Variants in CD163L1 observed in about 807,000 individuals in gnomAD.
The protein encoded by CD163L1 is scavenger receptor cysteine-rich type 1 protein M160.
A neutral mutation model predicts 165.4 loss-of-function variants in CD163L1; 124 were observed. The ratio of observed to expected loss-of-function variants is 0.75; its 90% CI spans 0.65 to 0.87. CD163L1 has a LOEUF of 0.87. Among genes scored for constraint, CD163L1 ranks in the 40% least tolerant of loss-of-function variants. The pLI is 0.00. For synonymous variants in CD163L1, 585 were observed against 662.2 expected (o/e 0.88, Z 1.79); for missense variants, 1,525 against 1,799.9 (o/e 0.85, Z 2.76).
chr12:7,339,218 C>A, the CD163L1 span, among the ~76,000 whole-genome samples: 1 of 152,106 alleles, frequency 6.6e-6, no homozygotes. Context: ...GGACACAGAA[C>A]AAAACTAGAC....
At chr12:7,322,261 G>A in the CD163L1 span, among the ~76,000 whole-genome samples, 1 of 152,188 alleles carries the variant, frequency 6.6e-6, no homozygotes, top group East Asian at 1.9e-4. Flanking sequence ...AACAATGTCT[G>A]GCAATATAGC....
the CD163L1 span, among the ~76,000 whole-genome samples, chr12:7,325,098 T>C: frequency 6.6e-6 from 1 of 152,252 alleles, no homozygotes; most frequent in Non-Finnish European, 1.5e-5. Flanking sequence ...TTCATTTGCC[T>C]ACCTTAGATC....
the CD163L1 span, among the ~76,000 whole-genome samples, chr12:7,333,281 AC>A: frequency 6.6e-6 from 1 of 152,224 alleles, no homozygotes; most frequent in East Asian, 1.9e-4. Flanking sequence ...AAAAATTATA[AC>A]AAACTGTCTC....
chr12:7,379,291 C>T lies in CD163L1; in HGVS notation c.2058G>A (p.Ser686=), dbSNP rs141462156. ...EDVGVICSDA[S]DMELRLVGGS... ...CACCCACAAGCCTCAGCTCCATATC[C>T]GATGCATCTGAAACCAAATACCACA... The change falls in exon 9 of 20, where the codon TCG becomes TCA. Residue 686 remains serine (S), a synonymous_variant. Transcript: ENST00000313599. 2.2e-4 allele frequency: 356 copies of T among 1,613,656 alleles called. 1 individual carries two copies. The African/African-American group carries it at 3.8e-3, about 17-fold the overall frequency.
Position 7,375,824 on chromosome 12 carries a change from A to G in CD163L1, c.2562T>C (p.Asn854=). ...GGAACTTTTCGGCCCAAGTTAGACC[A>G]TTCCCTTTTCCAAAGTGATCTCCCA... ...LSVGDHFGKG[N]GLTWAEKFQC... The change falls in exon 10 of 20, where the codon AAT becomes AAC. Residue 854 remains asparagine, a synonymous_variant. Transcript: ENST00000313599. 6.2e-7 allele frequency: 1 copy of G among 1,614,222 alleles called. No individual in the cohort carries two copies. The highest frequency in any genetic ancestry group is 8.5e-7 in the Non-Finnish European group (1 of 1,180,028).
Position 7,432,801 on chromosome 12 carries a change from A to T in CD163L1, c.446-65T>A. 7.2e-7 allele frequency: 1 copy of T among 1,385,714 alleles called. No individual in the cohort carries two copies. The highest frequency in any genetic ancestry group is 1.4e-5 in the South Asian group (1 of 71,716). The allele number at this position is 1,385,714 out of a possible 1,614,324, so 85.8% of individuals were successfully genotyped here. A position where few individuals can be genotyped will look rare whatever the true frequency, so the allele number is the denominator to read the frequency against. On this transcript the variant is annotated intron_variant, in intron 3 of 19. Coordinates refer to ENST00000313599, the MANE Select transcript of CD163L1 (RefSeq NM_174941.6). This position sits in a 1 kb window ranked among gnomAD's most constrained non-coding sequence, Gnocchi z 4.2. ...ACTTTGAGCCTGAAATAAAATCAAA[A>T]GGATACGTAGAAGACAGCCCTGTTA...
rs1172411960 is a variant in CD163L1, at chr12:7,368,919, G to A, written c.4072+14C>T. The A allele has an allele frequency of 3.1e-6, 5 of 1,612,742 alleles. No individual in the cohort carries two copies. Among genetic ancestry groups the A allele is most frequent in the Admixed American group, 3.3e-5 (2 of 59,988 alleles). ...TAGGTATTTGTGTCAGCACTGATAG[G>A]CAGAAGACTATACCTGAGGAGGCAT... is the stretch of plus-strand genomic sequence containing the variant. On this transcript the variant is annotated intron_variant, in intron 16 of 19. Coordinates refer to ENST00000313599, the MANE Select transcript of CD163L1 (RefSeq NM_174941.6). The surrounding 1 kb of genome is among the most constrained non-coding windows in gnomAD (Gnocchi z 4.3).
chr12:7,321,072 G>T, the CD163L1 span, among the ~76,000 whole-genome samples: 11 of 152,064 alleles, frequency 7.2e-5, no homozygotes, highest in Non-Finnish European at 1.3e-4. Context: ...AATGTCTTCT[G>T]GGGGGCAAAA....
chr12:7,426,393 C>A (rs931082331), intron 4 of CD163L1, among the ~76,000 whole-genome samples: 1 of 151,930 alleles, frequency 6.6e-6, no homozygotes, highest in African/African-American at 2.4e-5. Context: ...ATCACCATGG[C>A]ACATGTATAT....
At chr12:7,379,711 T>G (rs1221077738) in intron 8 of CD163L1, among the ~76,000 whole-genome samples, 1 of 151,972 alleles carries the variant, frequency 6.6e-6, no homozygotes, top group Non-Finnish European at 1.5e-5. Context: ...TAATGAAAAG[T>G]CAAGGAAAAA....
At chr12:7,402,819 A>C (rs758530416) in intron 6 of CD163L1, among the ~76,000 whole-genome samples, 1 of 151,904 alleles carries the variant, frequency 6.6e-6, no homozygotes, top group Admixed American at 6.6e-5. Context: ...AATTTTTTGC[A>C]GAGGGAGTCT....
the CD163L1 span, among the ~76,000 whole-genome samples, chr12:7,322,762 G>A: frequency 6.6e-6 from 1 of 152,206 alleles, no homozygotes; most frequent in African/African-American, 2.4e-5. Flanking sequence ...CCCTTATGCA[G>A]GATAAATCTC....
intron 8 of CD163L1, among the ~76,000 whole-genome samples, chr12:7,382,356 A>C (rs1591904261): frequency 6.6e-6 from 1 of 152,100 alleles, no homozygotes; most frequent in East Asian, 1.9e-4. Context: ...CTCACCACCA[A>C]AAACGATCAA....
the CD163L1 span, chr12:7,324,204 AC>A: frequency 2.2e-5 from 35 of 1,565,974 alleles, no homozygotes; most frequent in Non-Finnish European, 1.2e-5. Context: ...TGTACTAGTC[AC>A]TTAATGAGTG....
chr12:7,433,160 TTCTC>T (rs1025255125), intron 3 of CD163L1, among the ~76,000 whole-genome samples: 5 of 152,158 alleles, frequency 3.3e-5, no homozygotes, highest in African/African-American at 7.2e-5. Context: ...GTCTCTCTCT[TTCTC>T]TCTCCATTTC....
intron 4 of CD163L1, among the ~76,000 whole-genome samples, chr12:7,427,680 T>G (rs1948568200): frequency 6.6e-6 from 1 of 152,028 alleles, no homozygotes; most frequent in Non-Finnish European, 1.5e-5. Flanking sequence ...TTTAATAAAA[T>G]GATAAAGGCA....
intron 2 of CD163L1, among the ~76,000 whole-genome samples, chr12:7,437,899 A>T (rs80035065): frequency 5.0e-5 from 7 of 139,314 alleles, no homozygotes; most frequent in Admixed American, 1.4e-4. Flanking sequence ...TTATTATTAT[A>T]AAAAAAAAAA....
chr12:7,414,543 A>T (rs1948199917), intron 4 of CD163L1, among the ~76,000 whole-genome samples: 1 of 148,492 alleles, frequency 6.7e-6, no homozygotes, highest in African/African-American at 2.6e-5. Flanking sequence ...ACAGAAATTT[A>T]AAAATTAATA....
At chr12:7,390,186 G>C (rs945609946) in intron 8 of CD163L1, among the ~76,000 whole-genome samples, 5 of 151,708 alleles carry the variant, frequency 3.3e-5, no homozygotes, top group Non-Finnish European at 7.4e-5. Flanking sequence ...ACCAGAGGCT[G>C]GGAAGGGTGT....
Sources: allele counts gnomAD v4.1 joint callset (sites outside exome capture counted in the v4.1 genomes callset), GRCh38; gene constraint gnomAD v4.1.1; non-coding constraint Gnocchi (gnomAD v3.1); transcripts MANE v1.5; gene names NCBI Gene and HGNC (gene_info 2026-07-23, HGNC 2026-07-21).